ZNF131: variants seen among roughly 807,000 people sequenced by gnomAD.
ZNF131 encodes the protein zinc finger protein 131.
ZNF131 carries 7 observed loss-of-function variants against 60.0 expected under a neutral mutation model. The observed-to-expected ratio is 0.12, with a 90% CI of 0.07 to 0.22. ZNF131 has a LOEUF of 0.22. Ranked by LOEUF, ZNF131 falls within the 10% of genes least tolerant of loss-of-function variation. The probability of loss-of-function intolerance (pLI) is 1.00; values close to 1 mark genes in which losing one functional copy is unlikely to be tolerated. For synonymous variants in ZNF131, 257 were observed against 253.2 expected (o/e 1.01, Z -0.14); for missense variants, 493 against 740.9 (o/e 0.67, Z 3.88).
intron 5 of ZNF131, among the ~76,000 whole-genome samples, chr5:43,168,523 T>A (rs1750623619): frequency 6.6e-6 from 1 of 151,654 alleles, no homozygotes; most frequent in African/African-American, 2.4e-5. Context: ...AGATCTAGAG[T>A]GGAGTAAGGG....
chr5:43,128,729 A>G (rs907215896), intron 3 of ZNF131, among the ~76,000 whole-genome samples: 3 of 149,982 alleles, frequency 2.0e-5, no homozygotes, highest in Non-Finnish European at 3.0e-5. Flanking sequence ...TATTTATCCC[A>G]GTTTTGATTC....
At position 43,173,266 on chromosome 5, in the gene ZNF131, G is replaced by A. The variant is rs1032872599; in HGVS notation, c.1055-52G>A. ...AAAAAGTAAACGTTTAAAATTATTT[G>A]CTCTTAGGATTTTTCTTAATTTGCC... On this transcript the variant is annotated intron_variant, in intron 5 of 6. Transcript: ENST00000682664. The A allele has an allele frequency of 2.7e-6, 4 of 1,457,080 alleles. No individual in the cohort carries two copies. The African/African-American group carries it at 5.6e-5, about 21-fold the overall frequency. The allele number at this position is 1,457,080 out of a possible 1,614,324, so 90.3% of individuals were successfully genotyped here. A position where few individuals can be genotyped will look rare whatever the true frequency, so the allele number is the denominator to read the frequency against.
At chr5:43,166,246 C>T (rs1057404098) in intron 5 of ZNF131, among the ~76,000 whole-genome samples, 3 of 152,228 alleles carry the variant, frequency 2.0e-5, no homozygotes, top group African/African-American at 7.2e-5. Context: ...TTTTCAGTCA[C>T]AACTTAACTA....
At chr5:43,149,826 C>A (rs191437817) in intron 4 of ZNF131, among the ~76,000 whole-genome samples, 3 of 151,878 alleles carry the variant, frequency 2.0e-5, no homozygotes, top group Admixed American at 2.0e-4. Context: ...TGTTTGTATT[C>A]TTTGGCAAGG....
rs527690939 is a variant in ZNF131, at chr5:43,148,726, T to C, written c.371+9417T>C. On this transcript the variant is annotated intron_variant, in intron 4 of 6. Coordinates refer to ENST00000682664, the MANE Select transcript of ZNF131 (RefSeq NM_001330707.2). ...TTGGATATGTAGTGGTATGTTATTG[T>C]AGTATTAATATTTTTAAAACTTTAA... Among the ~76,000 whole-genome samples the C allele has an allele frequency of 5.9e-5, 9 of 152,362 alleles. No homozygotes were observed. In the East Asian group the frequency reaches 1.7e-3, roughly 29 times the overall value.
intron 4 of ZNF131, among the ~76,000 whole-genome samples, chr5:43,159,620 G>C (rs189272950): frequency 1.3e-5 from 2 of 150,922 alleles, no homozygotes; most frequent in African/African-American, 4.9e-5. Flanking sequence ...ACTTGAACCC[G>C]GGAGGCAGAG....
In ZNF131 at chr5:43,175,734, A is replaced by AAAAAAT. The variant is rs1751505513; in HGVS notation, c.*601_*602insAAAAAT. The AAAAAAT allele has an allele frequency of 1.5e-5, 5 of 332,298 alleles. No individual in the cohort carries two copies. Among genetic ancestry groups the AAAAAAT allele is most frequent in the Non-Finnish European group, 2.8e-5 (5 of 180,178 alleles). The allele number at this position is 332,298 out of a possible 1,614,324, so 20.6% of individuals were successfully genotyped here. A position where few individuals can be genotyped will look rare whatever the true frequency, so the allele number is the denominator to read the frequency against. Reference sequence around the variant, plus strand: ...TCTAGAATGTTAAAAAAAAAAAAAAATCCACACCCATGTGCCTTCTCAAAA... The same window carrying AAAAAAT: ...TCTAGAATGTTAAAAAAAAAAAAAAAAAAAATTCCACACCCATGTGCCTTCTCAAAA... On this transcript the variant is annotated 3_prime_UTR_variant, in exon 7 of 7. Coordinates refer to ENST00000682664, the MANE Select transcript of ZNF131 (RefSeq NM_001330707.2).
At chr5:43,146,934 T>TA (rs1747661045) in intron 4 of ZNF131, among the ~76,000 whole-genome samples, 2 of 152,128 alleles carry the variant, frequency 1.3e-5, no homozygotes, top group Admixed American at 1.3e-4. Flanking sequence ...TATACAGTGA[T>TA]ACAGACACCA....
intron 4 of ZNF131, among the ~76,000 whole-genome samples, chr5:43,146,855 G>T (rs998968545): frequency 1.3e-5 from 2 of 152,064 alleles, no homozygotes; most frequent in African/African-American, 2.4e-5. Context: ...GCAGTGAGCC[G>T]AGATCACGCC....
At chr5:43,133,143 A>G (rs1745581832) in intron 3 of ZNF131, among the ~76,000 whole-genome samples, 1 of 152,200 alleles carries the variant, frequency 6.6e-6, no homozygotes, top group Admixed American at 6.6e-5. Flanking sequence ...AAAACCGTCA[A>G]AAGTATCAAT....
chr5:43,161,528 T>C lies in ZNF131; in HGVS notation c.651T>C (p.Ile217=), dbSNP rs1749695702. The change falls in exon 5 of 7, where the codon ATT becomes ATC. Residue 217 remains isoleucine (I), a synonymous_variant. Transcript: ENST00000682664. ...DDSALALLAD[I]TSKYRQGDRK... is the part of the protein sequence containing the mutation. ...CTGCTCTAGCACTGTTGGCAGATAT[T>C]ACCAGCAAGTACCGTCAAGGTGACA... 2 of 1,614,256 alleles carry C rather than the reference T, an allele frequency of 1.2e-6. No individual in the cohort carries two copies. The highest frequency in any genetic ancestry group is 2.7e-5 in the African/African-American group (2 of 75,080).
chr5:43,136,706 C>T (rs1579758621), intron 3 of ZNF131, among the ~76,000 whole-genome samples: 3 of 143,004 alleles, frequency 2.1e-5, no homozygotes, highest in South Asian at 2.2e-4. Flanking sequence ...AGGCTGATCT[C>T]GAACTCCTGA....
Position 43,174,891 on chromosome 5 carries a change from C to T in ZNF131, c.1630C>T (p.His544Tyr), listed in dbSNP as rs1751404991. The change falls in exon 7 of 7, where the codon CAT becomes TAT. Residue 544 changes from histidine to tyrosine, a missense_variant. Around this residue, in one of 7 missense-constraint regions of ZNF131, gnomAD observed 202 missense variants for 221.3 expected, o/e 0.91. Transcript: ENST00000682664. ...EGTEVHVEEL[H>Y]VERVNQMPVE... is the part of the protein sequence containing the mutation. ...TACTGAAGTACATGTAGAGGAGCTG[C>T]ATGTTGAACGGGTCAATCAAATGCC... 6.2e-7 allele frequency: 1 copy of T among 1,614,018 alleles called. No individual in the cohort carries two copies. The highest frequency in any genetic ancestry group is 8.5e-7 in the Non-Finnish European group (1 of 1,180,052).
chr5:43,149,870 T>A (rs866123558), intron 4 of ZNF131, among the ~76,000 whole-genome samples: 10 of 152,136 alleles, frequency 6.6e-5, no homozygotes, highest in Admixed American at 2.0e-4. Flanking sequence ...TTTTTTAAAA[T>A]GGGATTATTG....
In ZNF131 at chr5:43,176,136, G is replaced by A. The variant is rs1751546516; in HGVS notation, c.*1003G>A. The A allele has an allele frequency of 6.6e-6, 1 of 152,216 alleles. No individual in the cohort carries two copies. The highest frequency in any genetic ancestry group is 6.5e-5 in the Admixed American group (1 of 15,270). The allele number at this position is 152,216 out of a possible 1,614,324, so 9.4% of individuals were successfully genotyped here. ...CCAATTCTTAATGTAAAGATCTTGTGCTATAACTTTTAAAGCCATACAAAT... is the reference window on the plus strand; with the variant it reads ...CCAATTCTTAATGTAAAGATCTTGTACTATAACTTTTAAAGCCATACAAAT... On this transcript the variant is annotated 3_prime_UTR_variant, in exon 7 of 7. Coordinates refer to ENST00000682664, the MANE Select transcript of ZNF131 (RefSeq NM_001330707.2).
intron 5 of ZNF131, chr5:43,167,932 C>A (rs1457374915): frequency 2.2e-6 from 1 of 451,318 alleles, no homozygotes; most frequent in Non-Finnish European, 4.4e-6. Flanking sequence ...TCTTACAGTT[C>A]TGGATGCTAA....
intron 1 of ZNF131, 94 bp downstream of exon 1, chr5:43,121,217 C>G (rs1459820856): frequency 6.5e-6 from 1 of 152,774 alleles, no homozygotes; most frequent in Non-Finnish European, 1.5e-5. Context: ...GGACGGTTGG[C>G]GAGTTCATTC....
intron 4 of ZNF131, chr5:43,143,398 A>C (rs1030528902): frequency 7.1e-7 from 1 of 1,403,044 alleles, no homozygotes; most frequent in Non-Finnish European, 9.2e-7. Flanking sequence ...TGGACTGCAC[A>C]TAGTCCTCAA....
intron 5 of ZNF131, among the ~76,000 whole-genome samples, chr5:43,162,140 C>CTTTTA (rs1228175774): frequency 6.6e-6 from 1 of 152,130 alleles, no homozygotes; most frequent in Non-Finnish European, 1.5e-5. Context: ...GTAATTGTTA[C>CTTTTA]TTTTATGCCT....
Sources: allele counts gnomAD v4.1 joint callset (sites outside exome capture counted in the v4.1 genomes callset), GRCh38; gene constraint gnomAD v4.1.1; regional missense constraint gnomAD v4.1.1; transcripts MANE v1.5; gene names NCBI Gene and HGNC (gene_info 2026-07-23, HGNC 2026-07-21).